The following NCAM1 variants were observed in gnomAD, a reference collection of about 807,000 sequenced individuals.
The protein encoded by NCAM1 is neural cell adhesion molecule 1.
In NCAM1, 14 loss-of-function variants were observed where a neutral mutation model predicts 109.8. The observed-to-expected ratio is 0.13, with a 90% CI of 0.08 to 0.20. The LOEUF (loss-of-function observed/expected upper bound fraction) is 0.20. NCAM1 is among the 10% of genes least tolerant of loss of function. The pLI, the probability that NCAM1 is intolerant of heterozygous loss-of-function variation, is 1.00. For synonymous variants in NCAM1, 418 were observed against 442.9 expected, an observed-to-expected ratio of 0.94 and a Z score of 0.70; for missense variants, 774 against 1,109.9, an observed-to-expected ratio of 0.70 and a Z score of 4.30.
At chr11:113,002,629 C>A (rs1951786100) in intron 1 of NCAM1, among the ~76,000 whole-genome samples, 1 of 152,112 alleles carries the variant, frequency 6.6e-6, no homozygotes, top group South Asian at 2.1e-4. Context: ...TGCCTATGTT[C>A]CTCTGCACCC....
At chr11:113,043,698 T>G (rs1393974801) in intron 1 of NCAM1, among the ~76,000 whole-genome samples, 1 of 152,146 alleles carries the variant, frequency 6.6e-6, no homozygotes, top group Non-Finnish European at 1.5e-5. Context: ...AGTCTTCTGT[T>G]CTCTCTCCAG....
At chr11:113,275,214 G>A (rs1321761862) in intron 19 of NCAM1, 53 bp from the exon 20 acceptor site, 24 of 1,607,354 alleles carry the variant, frequency 1.5e-5, no homozygotes, top group Admixed American at 1.4e-4. Flanking sequence ...ATGCAGGGGC[G>A]AGATGTCTGC....
Position 113,260,216 on chromosome 11 carries a change from A to G in NCAM1, c.2024A>G (p.Asp675Gly). 6.2e-7 allele frequency: 1 copy of G among 1,613,934 alleles called. No homozygotes were observed. The highest frequency in any genetic ancestry group is 8.5e-7 in the Non-Finnish European group (1 of 1,179,882). ...GACCACGTCATGCTGAAGTCCCTGGACTGGAATGCTGAGTATGAGGTCTAC... is the reference window on the plus strand; with the variant it reads ...GACCACGTCATGCTGAAGTCCCTGGGCTGGAATGCTGAGTATGAGGTCTAC... Reference protein sequence around the residue: ...GSDHVMLKSLDWNAEYEVYVV... With the variant: ...GSDHVMLKSLGWNAEYEVYVV... Residue 675 changes from aspartate to glycine, a missense_variant, in exon 17 of 20, where the codon GAC becomes GGC. This residue lies in a region of NCAM1 where 523 missense variants were observed against 784.2 expected (regional missense o/e 0.67). Coordinates refer to ENST00000316851, the MANE Select transcript of NCAM1 (RefSeq NM_181351.5).
At chr11:113,240,900 T>C in intron 14 of NCAM1, 1 of 1,449,300 alleles carries the variant, frequency 6.9e-7, no homozygotes, top group Non-Finnish European at 9.7e-7. Context: ...TTGTTTTGCC[T>C]AATGTTATCT....
chr11:113,237,414 G>A (rs782320246), intron 14 of NCAM1, among the ~76,000 whole-genome samples: 2 of 152,214 alleles, frequency 1.3e-5, no homozygotes, highest in Non-Finnish European at 2.9e-5. Context: ...CTACATGTAG[G>A]TATTCTGAGA....
At chr11:112,971,874 T>C (rs551913629) in intron 1 of NCAM1, among the ~76,000 whole-genome samples, 31 of 152,174 alleles carry the variant, frequency 2.0e-4, no homozygotes, top group Non-Finnish European at 3.5e-4. Context: ...TTTTGTGTAC[T>C]GCCAGAGGTC....
At chr11:113,198,073 A>G (rs555316150) in intron 1 of NCAM1, among the ~76,000 whole-genome samples, 1 of 152,328 alleles carries the variant, frequency 6.6e-6, no homozygotes, top group African/African-American at 2.4e-5. Context: ...TTCAAAATCT[A>G]TCAGTCTCCC....
At chr11:113,270,740 C>T (rs1461534735) in intron 18 of NCAM1, among the ~76,000 whole-genome samples, 3 of 152,180 alleles carry the variant, frequency 2.0e-5, no homozygotes, top group Non-Finnish European at 4.4e-5. Context: ...GACACACTTA[C>T]CTTGCTTTCG....
chr11:113,170,146 A>G (rs1296454960), intron 1 of NCAM1, among the ~76,000 whole-genome samples: 3 of 152,212 alleles, frequency 2.0e-5, no homozygotes, highest in Non-Finnish European at 4.4e-5. Context: ...GAAACCAAAG[A>G]AGGCAGATTG....
intron 9 of NCAM1, 58 bp from the exon 10 acceptor site, chr11:113,231,587 G>T: frequency 6.4e-7 from 1 of 1,559,264 alleles, no homozygotes. Flanking sequence ...CCATAGCACT[G>T]TTGCCCTTCA....
chr11:113,103,287 T>G (rs1349682962), intron 1 of NCAM1, among the ~76,000 whole-genome samples: 1 of 152,226 alleles, frequency 6.6e-6, no homozygotes, highest in Non-Finnish European at 1.5e-5. Flanking sequence ...TATCCAGTGT[T>G]TCTGGATGAG....
At chr11:113,205,398 T>C in intron 3 of NCAM1, 125 bp from the exon 4 acceptor site, 1 of 1,281,186 alleles carries the variant, frequency 7.8e-7, no homozygotes. Context: ...GGTGCCCCTC[T>C]TATACAACTG....
At chr11:113,111,658 A>G (rs1940449412) in intron 1 of NCAM1, among the ~76,000 whole-genome samples, 1 of 152,228 alleles carries the variant, frequency 6.6e-6, no homozygotes, top group South Asian at 2.1e-4. Flanking sequence ...CTGTATGTAA[A>G]TTATTCCTCA....
chr11:113,127,191 C>G (rs1411757173), intron 1 of NCAM1, among the ~76,000 whole-genome samples: 3 of 152,202 alleles, frequency 2.0e-5, no homozygotes, highest in Non-Finnish European at 4.4e-5. Context: ...CATTCCAGGG[C>G]TCTACCCCAG....
chr11:113,199,689 C>T (rs1442462794), intron 1 of NCAM1, among the ~76,000 whole-genome samples: 3 of 151,358 alleles, frequency 2.0e-5, no homozygotes, highest in South Asian at 2.1e-4. Context: ...TGCTAAATGA[C>T]GAGTTAATGG....
At chr11:112,971,859 T>A (rs1346555097) in intron 1 of NCAM1, among the ~76,000 whole-genome samples, 3 of 152,100 alleles carry the variant, frequency 2.0e-5, no homozygotes, top group Admixed American at 6.5e-5. Flanking sequence ...TATATAAAAA[T>A]CAAATTTTGT....
chr11:113,023,647 T>G (rs1350203438), intron 1 of NCAM1, among the ~76,000 whole-genome samples: 2 of 152,244 alleles, frequency 1.3e-5, no homozygotes, highest in Non-Finnish European at 2.9e-5. Context: ...CGTTTTCCTC[T>G]GTGTGTTTGT....
At chr11:113,146,622 A>G (rs567645168) in intron 1 of NCAM1, among the ~76,000 whole-genome samples, 1 of 152,322 alleles carries the variant, frequency 6.6e-6, no homozygotes, top group African/African-American at 2.4e-5. Context: ...TGCAGAGACT[A>G]TCTGTCTATA....
chr11:113,085,109 TA>T (rs1939019072), intron 1 of NCAM1, among the ~76,000 whole-genome samples: 1 of 152,238 alleles, frequency 6.6e-6, no homozygotes, highest in African/African-American at 2.4e-5. Flanking sequence ...TTTCACTTCT[TA>T]TGCTTACTAC....
Sources: allele counts gnomAD v4.1 joint callset (sites outside exome capture counted in the v4.1 genomes callset), GRCh38; gene constraint gnomAD v4.1.1; regional missense constraint gnomAD v4.1.1; transcripts MANE v1.5; gene names NCBI Gene and HGNC (gene_info 2026-07-23, HGNC 2026-07-21).